The following MTA3 variants were observed in gnomAD, a reference collection of about 807,000 sequenced individuals.
The protein encoded by MTA3 is metastasis associated 1 family member 3.
In MTA3, 34 loss-of-function variants were observed where a neutral mutation model predicts 83.5. The observed-to-expected ratio is 0.41, with a 90% CI of 0.31 to 0.54. The LOEUF (loss-of-function observed/expected upper bound fraction) is 0.54, where lower values mean the gene tolerates loss of function less well. Among genes scored for constraint, MTA3 ranks in the 20% least tolerant of loss-of-function variants. The pLI is 0.33. For missense variants in MTA3, 761 were observed against 726.4 expected, an observed-to-expected ratio of 1.05 and a Z score of -0.55; for synonymous variants, 303 against 252.7, an observed-to-expected ratio of 1.20 and a Z score of -1.89.
At position 42,754,442 on chromosome 2, in the gene MTA3, T is replaced by A. The variant is rs1305693451; in HGVS notation, c.*1043T>A. 1.0e-5 allele frequency: 10 copies of A among 985,416 alleles called. No individual in the cohort carries two copies. The highest frequency in any genetic ancestry group is 8.4e-6 in the Non-Finnish European group (7 of 830,054). 61.0% of individuals were successfully genotyped at this position (985,416 alleles called of 1,614,324 possible). A position where few individuals can be genotyped will look rare whatever the true frequency, so the allele number is the denominator to read the frequency against. On this transcript the variant is annotated 3_prime_UTR_variant, in exon 17 of 17. Transcript: ENST00000405094. ...AGGCCCCGGGGGACCTGCCTGCTCC[T>A]TTGGCTTGGGCTCTTCGTGTTTCCC...
intron 2 of MTA3, among the ~76,000 whole-genome samples, chr2:42,524,717 T>C (rs1177650097): frequency 1.3e-5 from 2 of 151,672 alleles, no homozygotes; most frequent in Non-Finnish European, 2.9e-5. Flanking sequence ...CAAAGACAGA[T>C]GCTCCCAATC....
At chr2:42,742,030 T>G (rs1002411945) in intron 16 of MTA3, among the ~76,000 whole-genome samples, 5 of 152,364 alleles carry the variant, frequency 3.3e-5, no homozygotes, top group African/African-American at 1.2e-4. Flanking sequence ...ATGGGAGATG[T>G]TCATATTTTC....
Position 42,690,073 on chromosome 2 carries a change from G to T in MTA3, c.892-5692G>T, listed in dbSNP as rs897195380. Among the ~76,000 whole-genome samples the T allele has an allele frequency of 3.3e-5, 5 of 152,170 alleles. No individual in the cohort carries two copies. The East Asian group carries it at 7.7e-4, about 24-fold the overall frequency. On this transcript the variant is annotated intron_variant, in intron 9 of 16. Transcript: ENST00000405094. ...AAACTGAAGCGAGAGGATCACTTGA[G>T]CCTGGGATTTTGAGGCTGCAGCATG...
At chr2:42,743,508 T>C (rs1669187502) in intron 16 of MTA3, among the ~76,000 whole-genome samples, 1 of 152,208 alleles carries the variant, frequency 6.6e-6, no homozygotes, top group Non-Finnish European at 1.5e-5. Context: ...TGATGAATTG[T>C]ACAATAAAGC....
chr2:42,570,615 A>G, intron 2 of MTA3, 111 bp downstream of exon 2: 1 of 545,048 alleles, frequency 1.8e-6, no homozygotes. Flanking sequence ...ATCCCAGTAA[A>G]TTGGGAGGCC....
chr2:42,631,428 AT>A (rs1686662414), intron 4 of MTA3, among the ~76,000 whole-genome samples: 2 of 152,194 alleles, frequency 1.3e-5, no homozygotes, highest in Non-Finnish European at 2.9e-5. Context: ...TTCAACCAGA[AT>A]CACAGTGCAC....
intron 2 of MTA3, among the ~76,000 whole-genome samples, chr2:42,524,791 A>C (rs1159975736): frequency 6.6e-6 from 1 of 150,380 alleles, no homozygotes; most frequent in Non-Finnish European, 1.5e-5. Flanking sequence ...TTGTATTTTG[A>C]CACTGGTGGA....
At chr2:42,559,945 C>T (rs1457542955) in intron 2 of MTA3, among the ~76,000 whole-genome samples, 2 of 152,050 alleles carry the variant, frequency 1.3e-5, no homozygotes, top group Non-Finnish European at 2.9e-5. Flanking sequence ...CATTCTACTC[C>T]AAGTCTTTGT....
chr2:42,716,944 C>G (rs1318958269), intron 14 of MTA3, among the ~76,000 whole-genome samples: 1 of 152,118 alleles, frequency 6.6e-6, no homozygotes, highest in Non-Finnish European at 1.5e-5. Flanking sequence ...TTCCCATCAA[C>G]CGTGTATAGC....
At chr2:42,639,210 G>A (rs1217908549) in intron 4 of MTA3, among the ~76,000 whole-genome samples, 1 of 151,692 alleles carries the variant, frequency 6.6e-6, no homozygotes, top group African/African-American at 2.4e-5. Flanking sequence ...ACAGGCATGT[G>A]CTACCATACC....
intron 4 of MTA3, among the ~76,000 whole-genome samples, chr2:42,615,737 T>TTTC (rs1684797126): frequency 7.0e-6 from 1 of 143,188 alleles, no homozygotes; most frequent in Non-Finnish European, 1.5e-5. Flanking sequence ...TTTTTTTTTT[T>TTTC]TGAGACGGAG....
At chr2:42,657,365 A>G (rs1202140622) in intron 7 of MTA3, among the ~76,000 whole-genome samples, 1 of 152,128 alleles carries the variant, frequency 6.6e-6, no homozygotes, top group Non-Finnish European at 1.5e-5. Flanking sequence ...CCTAACTACT[A>G]AGTGACTGGA....
intron 16 of MTA3, among the ~76,000 whole-genome samples, chr2:42,724,431 C>G (rs573217977): frequency 6.6e-6 from 1 of 151,888 alleles, no homozygotes; most frequent in African/African-American, 2.4e-5. Flanking sequence ...AGGAGGATCA[C>G]TTGAGCGCAG....
intron 16 of MTA3, 40 bp from the exon 17 acceptor site, chr2:42,753,334 G>C: frequency 6.5e-7 from 1 of 1,550,230 alleles, no homozygotes; most frequent in Non-Finnish European, 8.7e-7. Flanking sequence ...TCCACCATCG[G>C]GACTTGTTTA....
chr2:42,613,085 C>A (rs1684423518), intron 4 of MTA3, among the ~76,000 whole-genome samples: 3 of 152,002 alleles, frequency 2.0e-5, no homozygotes, highest in African/African-American at 4.8e-5. Context: ...TTTTGTCTTC[C>A]ATAAGGACTG....
chr2:42,636,728 G>C (rs1395660042), intron 4 of MTA3, among the ~76,000 whole-genome samples: 1 of 149,466 alleles, frequency 6.7e-6, no homozygotes, highest in Non-Finnish European at 1.5e-5. Flanking sequence ...CCAGGTTCAA[G>C]CCATTCTCCT....
chr2:42,558,553 A>T (rs987292286), intron 2 of MTA3, among the ~76,000 whole-genome samples: 1 of 147,952 alleles, frequency 6.8e-6, no homozygotes, highest in Non-Finnish European at 1.5e-5. Flanking sequence ...CCCAGCCTTT[A>T]AAAAAATTTT....
chr2:42,541,235 T>C (rs1676505427), intron 2 of MTA3, among the ~76,000 whole-genome samples: 3 of 152,142 alleles, frequency 2.0e-5, no homozygotes, highest in Admixed American at 2.0e-4. Flanking sequence ...TTCTCCGTGT[T>C]GGTCAGGCTG....
At chr2:42,607,695 A>C (rs1683652177) in intron 3 of MTA3, among the ~76,000 whole-genome samples, 1 of 152,184 alleles carries the variant, frequency 6.6e-6, no homozygotes, top group South Asian at 2.1e-4. Context: ...CATCCACTCT[A>C]ATAATTGATT....
Sources: gnomAD v4.1 joint callset for allele counts (sites outside exome capture counted in the v4.1 genomes callset) on GRCh38, gnomAD v4.1.1 for gene constraint, MANE v1.5 for transcripts, NCBI Gene and HGNC (gene_info 2026-07-23, HGNC 2026-07-21) for gene names.